Variants in ZBBX observed in about 807,000 individuals in gnomAD.
The protein encoded by ZBBX is zinc finger B-box domain containing, also known as zinc finger B-box domain-containing protein 1.
In ZBBX, 101 loss-of-function variants were observed where a neutral mutation model predicts 108.5. The observed-to-expected ratio is 0.93, with a 90% CI of 0.79 to 1.10. The LOEUF (loss-of-function observed/expected upper bound fraction) is 1.10, where lower values mean the gene tolerates loss of function less well. ZBBX is among the 50% of genes least tolerant of loss of function. The pLI is 0.00. For missense variants in ZBBX, 1,009 were observed against 941.4 expected (o/e 1.07, Z -0.94); for synonymous variants, 356 against 323.4 (o/e 1.10, Z -1.08).
chr3:167,240,996 T>G, intron 21 of ZBBX, 77 bp from the exon 22 acceptor site: 1 of 1,517,414 alleles, frequency 6.6e-7, no homozygotes, highest in Non-Finnish European at 8.9e-7. Context: ...TGATCAATAC[T>G]ACATATGTTG....
chr3:167,197,416 T>G, the ZBBX span, among the ~76,000 whole-genome samples: 12 of 152,144 alleles, frequency 7.9e-5, no homozygotes, highest in Non-Finnish European at 8.8e-5. Context: ...TGGGCGCCTG[T>G]AGTCCCAGCT....
chr3:167,405,794 G>A (rs889903055), intron 1 of ZBBX, among the ~76,000 whole-genome samples: 4 of 152,158 alleles, frequency 2.6e-5, no homozygotes, highest in East Asian at 1.9e-4. Flanking sequence ...CCAACAGGCC[G>A]AGCGTGGTGG....
chr3:167,348,493 G>T (rs1742093398), intron 9 of ZBBX, among the ~76,000 whole-genome samples: 1 of 151,408 alleles, frequency 6.6e-6, no homozygotes, highest in South Asian at 2.1e-4. Context: ...AAGAAAGAGA[G>T]GAAATTGTGA....
chr3:167,293,153 C>A (rs1344806924), intron 18 of ZBBX, among the ~76,000 whole-genome samples: 1 of 152,142 alleles, frequency 6.6e-6, no homozygotes, highest in Admixed American at 6.5e-5. Flanking sequence ...CCTTCTGAAA[C>A]TATTCCAAAC....
intron 8 of ZBBX, among the ~76,000 whole-genome samples, chr3:167,352,724 A>C (rs935856090): frequency 3.3e-5 from 5 of 151,622 alleles, no homozygotes; most frequent in Non-Finnish European, 7.4e-5. Context: ...AAATTCTCAA[A>C]AAAAAAAAAA....
chr3:167,376,678 A>G (rs13087122), intron 2 of ZBBX, among the ~76,000 whole-genome samples: 10,999 of 152,258 alleles, frequency 0.072, 474 homozygotes, highest in Admixed American at 0.11. Context: ...CTCTGCTGAT[A>G]ATGTTATTTA....
At chr3:167,340,339 A>G (rs1299806825) in intron 9 of ZBBX, among the ~76,000 whole-genome samples, 1 of 152,148 alleles carries the variant, frequency 6.6e-6, no homozygotes, top group Non-Finnish European at 1.5e-5. Context: ...TCAAAGTATC[A>G]TAGACCTATG....
At chr3:167,265,294 G>A (rs1280172366) in intron 20 of ZBBX, among the ~76,000 whole-genome samples, 1 of 152,150 alleles carries the variant, frequency 6.6e-6, no homozygotes, top group Non-Finnish European at 1.5e-5. Context: ...GTTAGCAGGT[G>A]ATGAATCCTG....
chr3:167,315,168 G>GCAGAAAGTAA (rs2086969236), intron 15 of ZBBX, among the ~76,000 whole-genome samples: 1 of 152,150 alleles, frequency 6.6e-6, no homozygotes, highest in Admixed American at 6.6e-5. Context: ...AGTTTCAACA[G>GCAGAAAGTAA]CAGAAAGTAA....
At chr3:167,336,761 T>A (rs1328713884) in intron 9 of ZBBX, among the ~76,000 whole-genome samples, 1 of 152,228 alleles carries the variant, frequency 6.6e-6, no homozygotes, top group Non-Finnish European at 1.5e-5. Context: ...CTTTAAAAAC[T>A]CACAAAACTT....
chr3:167,315,076 C>T (rs768826092), intron 15 of ZBBX, among the ~76,000 whole-genome samples: 10 of 152,012 alleles, frequency 6.6e-5, no homozygotes, highest in East Asian at 1.9e-4. Context: ...AAAATGTGGA[C>T]GGGGGCCTAA....
intron 20 of ZBBX, among the ~76,000 whole-genome samples, chr3:167,280,393 A>C (rs1024978697): frequency 3.3e-5 from 5 of 151,766 alleles, no homozygotes; most frequent in African/African-American, 7.2e-5. Context: ...CAATGAACTC[A>C]AACAAATTTA....
intron 4 of ZBBX, among the ~76,000 whole-genome samples, chr3:167,371,082 A>T (rs1304813378): frequency 6.6e-6 from 1 of 152,142 alleles, no homozygotes; most frequent in African/African-American, 2.4e-5. Flanking sequence ...AAAGTGAGAA[A>T]GAGAACTCTA....
intron 18 of ZBBX, 100 bp downstream of exon 18, chr3:167,298,205 A>T: frequency 1.1e-6 from 1 of 946,306 alleles, no homozygotes; most frequent in Non-Finnish European, 1.5e-6. Context: ...TAATAATTTT[A>T]GGCTGGCAAG....
chr3:167,272,404 T>A (rs981547269), intron 20 of ZBBX, among the ~76,000 whole-genome samples: 35 of 152,132 alleles, frequency 2.3e-4, no homozygotes, highest in African/African-American at 7.5e-4. Context: ...CATCAAAAGC[T>A]GGAAAGAATG....
At chr3:167,213,072 AC>A in the ZBBX span, among the ~76,000 whole-genome samples, 1 of 152,166 alleles carries the variant, frequency 6.6e-6, no homozygotes, top group African/African-American at 2.4e-5. Flanking sequence ...TTAAAGGAAA[AC>A]CCACACACAG....
At chr3:167,285,585 T>C (rs146536740) in intron 19 of ZBBX, among the ~76,000 whole-genome samples, 12 of 152,296 alleles carry the variant, frequency 7.9e-5, no homozygotes, top group African/African-American at 2.6e-4. Context: ...TGTTATCTTA[T>C]AGAATTAGAA....
chr3:167,327,913 CAAAAAA>C (rs10645171), intron 11 of ZBBX, 23 bp downstream of exon 11: 230 of 1,160,842 alleles, frequency 2.0e-4, no homozygotes, highest in Middle Eastern at 1.9e-3. Context: ...GACTCTGTCT[CAAAAAA>C]AAAAAAAAAA....
chr3:167,351,172 C>A (rs1482841448), intron 8 of ZBBX, among the ~76,000 whole-genome samples: 6 of 151,538 alleles, frequency 4.0e-5, no homozygotes, highest in East Asian at 1.9e-4. Flanking sequence ...TGATTATGGG[C>A]AAGTTTATAT....
Sources: allele counts gnomAD v4.1 joint callset (sites outside exome capture counted in the v4.1 genomes callset), GRCh38; gene constraint gnomAD v4.1.1; transcripts MANE v1.5; gene names NCBI Gene and HGNC (gene_info 2026-07-23, HGNC 2026-07-21).